Variants in SP3 observed in about 807,000 individuals in gnomAD.
The protein encoded by SP3 is transcription factor Sp3.
Under a neutral mutation model 70.3 loss-of-function variants are expected in SP3, and 10 were observed. The ratio of observed to expected loss-of-function variants is 0.14; its 90% CI spans 0.09 to 0.24. The LOEUF (loss-of-function observed/expected upper bound fraction) is 0.24, where lower values mean the gene tolerates loss of function less well. SP3 is among the 10% of genes least tolerant of loss of function. The pLI, the probability that SP3 is intolerant of heterozygous loss-of-function variation, is 1.00. For missense variants in SP3, 825 were observed against 914.6 expected (o/e 0.90, Z 1.26); for synonymous variants, 402 against 333.5 (o/e 1.21, Z -2.24).
At chr2:173,949,060 G>A (rs1164070857) in intron 4 of SP3, among the ~76,000 whole-genome samples, 3 of 152,098 alleles carry the variant, frequency 2.0e-5, no homozygotes, top group African/African-American at 4.8e-5. Flanking sequence ...GGGGCAAAAG[G>A]AGATCTACCA....
At chr2:173,933,242 TG>T (rs71021603) in intron 4 of SP3, among the ~76,000 whole-genome samples, 62,081 of 151,792 alleles carry the variant, frequency 0.41, 12,931 homozygotes, top group Non-Finnish European at 0.44. Context: ...ATTCATGAAA[TG>T]TTTTACATTC....
Position 173,907,504 on chromosome 2 carries a change from A to C in SP3, c.*2437T>G. ...TTCCTAGGGGGCACTAAAAAAATCT[A>C]CAACTTTATTTAAATAATTTTCAAG... On this transcript the variant is annotated 3_prime_UTR_variant, in exon 7 of 7. Transcript: ENST00000310015. The C allele has an allele frequency of 6.6e-6, 1 of 152,148 alleles. No individual in the cohort carries two copies. Among genetic ancestry groups the C allele is most frequent in the East Asian group, 1.9e-4 (1 of 5,202 alleles). The allele number at this position is 152,148 out of a possible 1,614,324, so 9.4% of individuals were successfully genotyped here.
chr2:173,930,813 T>C (rs1218821141), intron 4 of SP3, among the ~76,000 whole-genome samples: 4 of 152,356 alleles, frequency 2.6e-5, no homozygotes, highest in South Asian at 4.1e-4. Flanking sequence ...TGATAGGCTG[T>C]AATAATATAG....
chr2:173,959,938 G>T (rs1379114139), intron 3 of SP3, among the ~76,000 whole-genome samples: 1 of 152,134 alleles, frequency 6.6e-6, no homozygotes, highest in South Asian at 2.1e-4. Flanking sequence ...ACAAAACCTA[G>T]GCAGGTGGAT....
intron 4 of SP3, among the ~76,000 whole-genome samples, chr2:173,922,944 T>G (rs1443498811): frequency 6.6e-6 from 1 of 152,174 alleles, no homozygotes; most frequent in African/African-American, 2.4e-5. Flanking sequence ...AAGGGTAGAT[T>G]TGACACATAA....
intron 2 of SP3, 154 bp downstream of exon 2, chr2:173,964,251 C>T: frequency 6.0e-6 from 3 of 502,260 alleles, no homozygotes; most frequent in Non-Finnish European, 1.0e-5. Context: ...GGAGCGTTGG[C>T]GCCTCGGGCG....
intron 2 of SP3, 80 bp downstream of exon 2, chr2:173,964,325 G>A (rs906372032): frequency 3.2e-6 from 2 of 622,688 alleles, no homozygotes; most frequent in East Asian, 6.3e-5. Context: ...GGAGGGGTGA[G>A]GCGAGGAGGG....
intron 4 of SP3, among the ~76,000 whole-genome samples, chr2:173,928,887 A>C (rs1689992692): frequency 6.6e-6 from 1 of 152,248 alleles, no homozygotes; most frequent in Non-Finnish European, 1.5e-5. Flanking sequence ...AACTATATTG[A>C]GCGAACATTT....
Position 173,918,685 on chromosome 2 carries a change from CACCTGTACTCTT to C in SP3, c.1728_1739del (p.Arg577_Val580del). On this transcript the variant is annotated inframe_deletion, in exon 5 of 7. Transcript: ENST00000310015. ...GTTGTTGGTCCCCTTCTTCATCTACCACCTGTACTCTTAAGTGTGTTAGGTCATTGGTATTCA... is the reference window on the plus strand; with the variant it reads ...GTTGTTGGTCCCCTTCTTCATCTACCAAGTGTGTTAGGTCATTGGTATTCA... The C allele has an allele frequency of 2.5e-6, 4 of 1,613,828 alleles. No homozygotes were observed. The highest frequency in any genetic ancestry group is 3.4e-6 in the Non-Finnish European group (4 of 1,179,840).
In SP3 at chr2:173,964,318, G is replaced by A. The variant is rs1424632573; in HGVS notation, c.156+87C>T. The A allele has an allele frequency of 9.9e-6, 6 of 606,548 alleles. No homozygotes were observed. In the Admixed American group the frequency reaches 1.3e-4, roughly 13 times the overall value. 37.6% of individuals were successfully genotyped at this position (606,548 alleles called of 1,614,324 possible). A position where few individuals can be genotyped will look rare whatever the true frequency, so the allele number is the denominator to read the frequency against. ...AGGGGAGGGGAGAGACGAGGAGGGA[G>A]GGGTGAGGCGAGGAGGGAGGGGAGA... On this transcript the variant is annotated intron_variant, in intron 2 of 6. Transcript: ENST00000310015.
chr2:173,935,965 C>T (rs971308067), intron 4 of SP3, among the ~76,000 whole-genome samples: 5 of 150,500 alleles, frequency 3.3e-5, no homozygotes, highest in Non-Finnish European at 5.9e-5. Context: ...AAATGTCTGG[C>T]ATTCTTCCTT....
At chr2:173,962,398 G>A (rs1201662107) in intron 3 of SP3, among the ~76,000 whole-genome samples, 2 of 152,010 alleles carry the variant, frequency 1.3e-5, no homozygotes, top group Non-Finnish European at 2.9e-5. Context: ...ATTTGTTTTG[G>A]CACTTTGGAA....
At chr2:173,918,818 A>T in intron 4 of SP3, 33 bp from the exon 5 acceptor site, 1 of 1,566,736 alleles carries the variant, frequency 6.4e-7, no homozygotes, top group Non-Finnish European at 8.7e-7. Flanking sequence ...TACAGATGAG[A>T]AGCAACCAAA....
chr2:173,957,190 A>T (rs967558076), intron 3 of SP3, among the ~76,000 whole-genome samples: 2 of 152,192 alleles, frequency 1.3e-5, no homozygotes, highest in Non-Finnish European at 2.9e-5. Context: ...CAGTGGATGA[A>T]CCACAGTTAA....
In SP3 at chr2:173,902,169, G is replaced by T. The variant is rs1186249259; in HGVS notation, c.*7772C>A. Reference sequence around the variant, plus strand: ...TAACAAATATTTGGTTATCCCTACTGGTACCAATTTTTAAATATATCCATT... The same window carrying T: ...TAACAAATATTTGGTTATCCCTACTTGTACCAATTTTTAAATATATCCATT... On this transcript the variant is annotated 3_prime_UTR_variant, in exon 7 of 7. Transcript: ENST00000310015. 6.6e-6 allele frequency among the ~76,000 whole-genome samples: 1 copy of T among 152,062 alleles called. No homozygotes were observed.
At chr2:173,920,732 A>C (rs1045235570) in intron 4 of SP3, among the ~76,000 whole-genome samples, 2 of 152,182 alleles carry the variant, frequency 1.3e-5, no homozygotes, top group African/African-American at 4.8e-5. Flanking sequence ...CTGGGATTAC[A>C]GGTGCCCGCC....
In SP3 at chr2:173,931,409, T is replaced by A. The variant is rs555665621; in HGVS notation, c.1640-12624A>T. On this transcript the variant is annotated intron_variant, in intron 4 of 6. Coordinates refer to ENST00000310015, the MANE Select transcript of SP3 (RefSeq NM_003111.5). ...CCCAGGCTGGAGTGCAGTGGTGCAA[T>A]CTCGGCTCACTGCAACCTCCACCTC... Among the ~76,000 whole-genome samples, 12 of 152,274 alleles carry A rather than the reference T, an allele frequency of 7.9e-5. No individual in the cohort carries two copies. The South Asian group carries it at 2.3e-3, about 29-fold the overall frequency.
rs1041450846 is a variant in SP3, at chr2:173,905,949, A to G, written c.*3992T>C. Among the ~76,000 whole-genome samples the G allele has an allele frequency of 2.6e-4, 39 of 152,230 alleles. 1 individual carries two copies. Among genetic ancestry groups the G allele is most frequent in the African/African-American group, 9.2e-4 (38 of 41,466 alleles). ...CAGTAAGTGGAGTCTGCAGTAAGCC[A>G]TGATTGCACCACTGCACTGTGTGAC... On this transcript the variant is annotated 3_prime_UTR_variant, in exon 7 of 7. Coordinates refer to ENST00000310015, the MANE Select transcript of SP3 (RefSeq NM_003111.5).
chr2:173,946,336 G>A (rs976319128), intron 4 of SP3, among the ~76,000 whole-genome samples: 6 of 151,356 alleles, frequency 4.0e-5, no homozygotes, highest in African/African-American at 1.5e-4. Context: ...TTAAAGAGAT[G>A]GGGGTCTATC....
Sources: allele counts gnomAD v4.1 joint callset (sites outside exome capture counted in the v4.1 genomes callset), GRCh38; gene constraint gnomAD v4.1.1; transcripts MANE v1.5; gene names NCBI Gene and HGNC (gene_info 2026-07-23, HGNC 2026-07-21).